Variants in ITPR3 observed in about 807,000 individuals in gnomAD.
ITPR3 encodes inositol 1,4,5-trisphosphate-gated calcium channel ITPR3.
In ITPR3, 173 loss-of-function variants were observed where a neutral mutation model predicts 293.2. The ratio of observed to expected loss-of-function variants is 0.59; its 90% CI spans 0.52 to 0.67. ITPR3 has a LOEUF of 0.67. Ranked by LOEUF, ITPR3 falls within the 30% of genes least tolerant of loss-of-function variation. ITPR3 has a pLI of 0.00. For synonymous variants in ITPR3, 1,295 were observed against 1,444.4 expected (o/e 0.90, Z 2.35); for missense variants, 2,796 against 3,592.1 (o/e 0.78, Z 5.66).
intron 1 of ITPR3, among the ~76,000 whole-genome samples, chr6:33,636,479 G>C (rs1208975654): frequency 6.6e-6 from 1 of 151,990 alleles, no homozygotes; most frequent in South Asian, 2.1e-4. Flanking sequence ...TTCTGTACCT[G>C]ACTGTGTATT....
chr6:33,675,591 G>T lies in ITPR3; in HGVS notation c.3117-100G>T. ...TAGACTGGCCCTGCATCTGCTAATT[G>T]GGTGGCGGAGAGTGTGCTTGTGCCA... On this transcript the variant is annotated intron_variant, in intron 24 of 57. Coordinates refer to ENST00000605930, the MANE Select transcript of ITPR3 (RefSeq NM_002224.4). This position sits in a 1 kb window ranked among gnomAD's most constrained non-coding sequence, Gnocchi z 5.0. 7.6e-7 allele frequency: 1 copy of T among 1,307,566 alleles called. No individual in the cohort carries two copies. Among genetic ancestry groups the T allele is most frequent in the East Asian group, 2.5e-5 (1 of 39,644 alleles). 81.0% of individuals were successfully genotyped at this position (1,307,566 alleles called of 1,614,324 possible). A position where few individuals can be genotyped will look rare whatever the true frequency, so the allele number is the denominator to read the frequency against.
chr6:33,674,404 C>T (rs559771989), intron 24 of ITPR3, 139 bp downstream of exon 24: 3 of 750,286 alleles, frequency 4.0e-6, no homozygotes, highest in South Asian at 3.6e-5. Context: ...GGGCTTTGTG[C>T]TCAGCCCCTC....
At position 33,680,557 on chromosome 6, in the gene ITPR3, C is replaced by A. The variant is rs773761440; in HGVS notation, c.4353C>A (p.Val1451=). ...FENFTLDMAR[V]CSKREKRVAD... ...GCCATCCCTCTCTCCTGCCTCAGGTCTGCAGCAAGCGTGAGAAGCGCGTGG... is the reference window on the plus strand; with the variant it reads ...GCCATCCCTCTCTCCTGCCTCAGGTATGCAGCAAGCGTGAGAAGCGCGTGG... Residue 1451 remains valine (V), a splice_region_variant and synonymous_variant, in exon 33 of 58, where the codon GTC becomes GTA. Transcript: ENST00000605930. The A allele has an allele frequency of 3.7e-6, 6 of 1,613,748 alleles. No homozygotes were observed. Among genetic ancestry groups the A allele is most frequent in the Non-Finnish European group, 5.1e-6 (6 of 1,179,840 alleles).
In ITPR3 at chr6:33,692,047, G is replaced by C; in HGVS notation, c.7458+119G>C. On this transcript the variant is annotated intron_variant, in intron 54 of 57. Transcript: ENST00000605930. The surrounding 1 kb of genome is among the most constrained non-coding windows in gnomAD (Gnocchi z 4.2). ...TATTCAGGGTTGAACCCCCTCCCCC[G>C]AACTTGTATCCACTTTTCCCTGCTT... is the stretch of plus-strand genomic sequence containing the variant. The C allele has an allele frequency of 7.4e-7, 1 of 1,355,346 alleles. No homozygotes were observed. The highest frequency in any genetic ancestry group is 1.2e-5 in the South Asian group (1 of 80,640). The allele number at this position is 1,355,346 out of a possible 1,614,324, so 84.0% of individuals were successfully genotyped here. A position where few individuals can be genotyped will look rare whatever the true frequency, so the allele number is the denominator to read the frequency against.
rs1053969727 is a variant in ITPR3 at position 33,691,631 on chromosome 6, G to A, written c.7242G>A (p.Met2414Ile). 6.2e-7 allele frequency: 1 copy of A among 1,613,934 alleles called. No individual in the cohort carries two copies. The highest frequency in any genetic ancestry group is 1.3e-5 in the African/African-American group (1 of 74,902). The change falls in exon 53 of 58, where the codon ATG becomes ATA. Residue 2414 changes from methionine to isoleucine, a missense_variant. Met to Ile is a conservative substitution (Grantham distance 10). Coordinates refer to ENST00000605930, the MANE Select transcript of ITPR3 (RefSeq NM_002224.4). The surrounding 1 kb of genome is among the most constrained non-coding windows in gnomAD (Gnocchi z 4.9). ...CCCCTCCAGCCAGCCCCCTGGGGAT[G>A]CCACATGGAGCTGCTGCATTTGTGG... ...NNHSTASPLG[M>I]PHGAAAFVDT...
chr6:33,677,723 C>G, intron 28 of ITPR3, 94 bp downstream of exon 28: 1 of 1,460,470 alleles, frequency 6.8e-7, no homozygotes, highest in Non-Finnish European at 9.3e-7. Flanking sequence ...GGCAACCTCT[C>G]CCAGCCTCGC....
chr6:33,675,912 G>A lies in ITPR3; in HGVS notation c.3282+56G>A. 1 of 1,475,234 alleles carries A rather than the reference G, an allele frequency of 6.8e-7. No homozygotes were observed. The highest frequency in any genetic ancestry group is 9.0e-7 in the Non-Finnish European group (1 of 1,107,496). 91.4% of individuals were successfully genotyped at this position (1,475,234 alleles called of 1,614,324 possible). Reference sequence around the variant, plus strand: ...CATGAGGCCTGCACCAGGCACGGGGGGACAGTAAACGATGATTGAGGAGCT... The same window carrying A: ...CATGAGGCCTGCACCAGGCACGGGGAGACAGTAAACGATGATTGAGGAGCT... On this transcript the variant is annotated intron_variant, in intron 25 of 57. Transcript: ENST00000605930. This position sits in a 1 kb window ranked among gnomAD's most constrained non-coding sequence, Gnocchi z 5.0.
rs1027546585 is a variant in ITPR3, at chr6:33,682,419, C to A, written c.4477-105C>A. 6.0e-6 allele frequency: 8 copies of A among 1,333,122 alleles called. No homozygotes were observed. In the East Asian group the frequency reaches 1.7e-4, roughly 28 times the overall value. The allele number at this position is 1,333,122 out of a possible 1,614,324, so 82.6% of individuals were successfully genotyped here. On this transcript the variant is annotated intron_variant, in intron 33 of 57. Transcript: ENST00000605930. This position sits in a 1 kb window ranked among gnomAD's most constrained non-coding sequence, Gnocchi z 5.4. ...GGCACATGGTGGCTAGTGAAGGCTC[C>A]GTCTCTCCACCCATGCCCATTCTGA...
At position 33,661,775 on chromosome 6, in the gene ITPR3, G is replaced by A. The variant is rs187613167; in HGVS notation, c.712-753G>A. Among the ~76,000 whole-genome samples, 606 of 152,020 alleles carry A rather than the reference G, an allele frequency of 4.0e-3. 3 individuals are homozygous for A. Among genetic ancestry groups the A allele is most frequent in the Non-Finnish European group, 4.4e-3 (296 of 67,960 alleles). On this transcript the variant is annotated intron_variant, in intron 7 of 57. Coordinates refer to ENST00000605930, the MANE Select transcript of ITPR3 (RefSeq NM_002224.4). The stretch of plus-strand genomic sequence containing the variant: ...TTTGGGAAGCTGAGGTGGGTGAATT[G>A]CCTGAGCTTAGGAGTTTGAGGCCAG...
intron 21 of ITPR3, 42 bp from the exon 22 acceptor site, chr6:33,671,987 C>T (rs1166598857): frequency 1.9e-6 from 3 of 1,561,442 alleles, no homozygotes; most frequent in South Asian, 1.2e-5. Context: ...TGTACAGCCT[C>T]TACAACCTCC....
Position 33,664,327 on chromosome 6 carries a change from G to T in ITPR3, c.1148+447G>T, listed in dbSNP as rs1363829735. Among the ~76,000 whole-genome samples, 1 of 152,140 alleles carries T rather than the reference G, an allele frequency of 6.6e-6. No individual in the cohort carries two copies. The highest frequency in any genetic ancestry group is 2.4e-5 in the African/African-American group (1 of 41,418). On this transcript the variant is annotated intron_variant, in intron 11 of 57. Transcript: ENST00000605930. The surrounding 1 kb of genome is among the most constrained non-coding windows in gnomAD (Gnocchi z 4.4). ...TCACTCTGCCTCCATCATTTTAGTGGGAACATCAAGTTTCCCTGTCAACAG... is the reference window on the plus strand; with the variant it reads ...TCACTCTGCCTCCATCATTTTAGTGTGAACATCAAGTTTCCCTGTCAACAG...
intron 7 of ITPR3, among the ~76,000 whole-genome samples, chr6:33,661,792 T>C (rs1313241504): frequency 2.0e-5 from 3 of 151,754 alleles, no homozygotes; most frequent in African/African-American, 7.3e-5. Context: ...CTTAGGAGTT[T>C]GAGGCCAGTC....
Position 33,633,907 on chromosome 6 carries a change from C to T in ITPR3, c.90-6577C>T, listed in dbSNP as rs1241522275. Among the ~76,000 whole-genome samples the T allele has an allele frequency of 3.3e-5, 5 of 151,490 alleles. No individual in the cohort carries two copies. Among genetic ancestry groups the T allele is most frequent in the Non-Finnish European group, 7.4e-5 (5 of 67,804 alleles). ...CCTACGCTCTCCGGAGCCGCGCGGA[C>T]CCAGAACCGCTCCCACCACGCAGCG... On this transcript the variant is annotated intron_variant, in intron 1 of 57. Transcript: ENST00000605930. This position sits in a 1 kb window ranked among gnomAD's most constrained non-coding sequence, Gnocchi z 5.2.
rs9469552 is a variant in ITPR3, at chr6:33,677,680, C to G, written c.3648+51C>G. ...TCCCCAGGGTGGCTTCCCCCTGAACCCCGGCCTGACCTGTATGCTAGGCCC... is the reference window on the plus strand; with the variant it reads ...TCCCCAGGGTGGCTTCCCCCTGAACGCCGGCCTGACCTGTATGCTAGGCCC... On this transcript the variant is annotated intron_variant, in intron 28 of 57. Transcript: ENST00000605930. The G allele has an allele frequency of 0.082, 130,626 of 1,595,002 alleles. 5,616 individuals are homozygous for G. Among genetic ancestry groups the G allele is most frequent in the East Asian group, 0.16 (7,142 of 44,588 alleles).
chr6:33,659,246 C>T (rs1764394242), intron 6 of ITPR3, 127 bp downstream of exon 6: 19 of 959,368 alleles, frequency 2.0e-5, no homozygotes, highest in Non-Finnish European at 2.9e-5. Context: ...AGCTGGGCCT[C>T]ACGGCTTCTG....
In ITPR3 at chr6:33,664,821, G is replaced by A. The variant is rs778622749; in HGVS notation, c.1149-49G>A. ...GAGGTAGGCCGGCAGGCAGCATGAC[G>A]TGCTCTGTGGTGCACTCCCCGAGTC... On this transcript the variant is annotated intron_variant, in intron 11 of 57. Transcript: ENST00000605930. The surrounding 1 kb of genome is among the most constrained non-coding windows in gnomAD (Gnocchi z 4.4). The A allele has an allele frequency of 2.3e-5, 36 of 1,531,996 alleles. No individual in the cohort carries two copies. The highest frequency in any genetic ancestry group is 1.1e-4 in the African/African-American group (8 of 73,170). The allele number at this position is 1,531,996 out of a possible 1,614,324, so 94.9% of individuals were successfully genotyped here.
At chr6:33,680,861 C>T (rs183323822) in intron 33 of ITPR3, among the ~76,000 whole-genome samples, 181 bp downstream of exon 33, 18 of 148,226 alleles carry the variant, frequency 1.2e-4, no homozygotes, top group African/African-American at 4.0e-4. Context: ...CACTCTGTCG[C>T]CCAGGCTGGA....
At position 33,672,559 on chromosome 6, in the gene ITPR3, T is replaced by G. The variant is rs1207220699; in HGVS notation, c.2928+331T>G. 4.0e-5 allele frequency among the ~76,000 whole-genome samples: 6 copies of G among 151,698 alleles called. No individual in the cohort carries two copies. Among genetic ancestry groups the G allele is most frequent in the African/African-American group, 1.5e-4 (6 of 41,234 alleles). ...ACCCCGTCTCTATTAAAAAAAATAG[T>G]AATAACGATAAATAAATAAAAAGAA... On this transcript the variant is annotated intron_variant, in intron 22 of 57. Transcript: ENST00000605930. The surrounding 1 kb of genome is among the most constrained non-coding windows in gnomAD (Gnocchi z 5.0).
At chr6:33,648,963 A>G (rs1347878504) in intron 2 of ITPR3, among the ~76,000 whole-genome samples, 2 of 152,054 alleles carry the variant, frequency 1.3e-5, no homozygotes, top group East Asian at 1.9e-4. Context: ...GCAGTGGCGC[A>G]ATCTCGGCTC....
Sources: allele counts gnomAD v4.1 joint callset (sites outside exome capture counted in the v4.1 genomes callset), GRCh38; gene constraint gnomAD v4.1.1; non-coding constraint Gnocchi (gnomAD v3.1); transcripts MANE v1.5; gene names NCBI Gene and HGNC (gene_info 2026-07-23, HGNC 2026-07-21).